Variants in HS6ST3 observed in about 807,000 individuals in gnomAD.
HS6ST3 encodes the protein heparan sulfate 6-O-sulfotransferase 3, also known as heparan-sulfate 6-O-sulfotransferase 3.
Under a neutral mutation model 36.7 loss-of-function variants are expected in HS6ST3, and 12 were observed. The observed-to-expected ratio is 0.33, with a 90% CI of 0.21 to 0.53. The LOEUF (loss-of-function observed/expected upper bound fraction) is 0.53. HS6ST3 is among the 20% of genes least tolerant of loss of function. The pLI is 0.95. For synonymous variants in HS6ST3, 240 were observed against 257.5 expected (o/e 0.93, Z 0.65); for missense variants, 584 against 640.9 (o/e 0.91, Z 0.96).
At chr13:96,726,975 T>C (rs1876021912) in intron 1 of HS6ST3, among the ~76,000 whole-genome samples, 2 of 152,200 alleles carry the variant, frequency 1.3e-5, no homozygotes, top group African/African-American at 4.8e-5. Flanking sequence ...TGCTACTCTG[T>C]GTGATATTAG....
At chr13:96,653,936 A>T (rs1381134866) in intron 1 of HS6ST3, among the ~76,000 whole-genome samples, 1 of 152,154 alleles carries the variant, frequency 6.6e-6, no homozygotes, top group Non-Finnish European at 1.5e-5. Context: ...TGTGGTTTTG[A>T]TTTGCATTTC....
rs922827721 is a variant in HS6ST3, at chr13:96,363,872, G to T, written c.707+272303G>T. Among the ~76,000 whole-genome samples the T allele has an allele frequency of 3.3e-5, 5 of 151,532 alleles. 1 individual carries two copies. The highest frequency in any genetic ancestry group is 2.1e-4 in the South Asian group (1 of 4,814). ...AAATATTATGTAATGAATTTTTTTT[G>T]AAATGAAAAAAGAGAACACTCGCTA... On this transcript the variant is annotated intron_variant, in intron 1 of 1. Transcript: ENST00000376705.
intron 1 of HS6ST3, among the ~76,000 whole-genome samples, chr13:96,375,768 A>T (rs2055311704): frequency 6.6e-6 from 1 of 152,236 alleles, no homozygotes; most frequent in Admixed American, 6.5e-5. Context: ...TGATGTGGAA[A>T]ATATATCCAT....
In HS6ST3 at chr13:96,748,354, G is replaced by C. The variant is rs372758642; in HGVS notation, c.708-84136G>C. Among the ~76,000 whole-genome samples the C allele has an allele frequency of 2.2e-4, 33 of 152,152 alleles. 2 individuals are homozygous for C. Among genetic ancestry groups the C allele is most frequent in the African/African-American group, 7.5e-4 (31 of 41,510 alleles). The stretch of plus-strand genomic sequence containing the variant: ...TGTCTACCCCTGTAATCCAGGATGT[G>C]GAGTGTTATGAAAAGGGTAGGAATC... On this transcript the variant is annotated intron_variant, in intron 1 of 1. Coordinates refer to ENST00000376705, the MANE Select transcript of HS6ST3 (RefSeq NM_153456.4).
chr13:96,572,327 T>A (rs1367363669), intron 1 of HS6ST3, among the ~76,000 whole-genome samples: 1 of 152,208 alleles, frequency 6.6e-6, no homozygotes, highest in Non-Finnish European at 1.5e-5. Context: ...TAAGTAGAAC[T>A]AGACTATATT....
At chr13:96,586,248 T>C (rs1480150493) in intron 1 of HS6ST3, among the ~76,000 whole-genome samples, 1 of 152,170 alleles carries the variant, frequency 6.6e-6, no homozygotes, top group African/African-American at 2.4e-5. Flanking sequence ...GATTTAAATT[T>C]CCCTGATTAG....
At chr13:96,440,912 T>G (rs2055667839) in intron 1 of HS6ST3, among the ~76,000 whole-genome samples, 1 of 152,234 alleles carries the variant, frequency 6.6e-6, no homozygotes, top group South Asian at 2.1e-4. Context: ...AGGACTGCAA[T>G]GGACTGAATG....
chr13:96,563,917 T>C (rs545725898), intron 1 of HS6ST3, among the ~76,000 whole-genome samples: 6 of 152,174 alleles, frequency 3.9e-5, no homozygotes, highest in Non-Finnish European at 8.8e-5. Context: ...TGTGTGCAGA[T>C]ACCTTCTAGA....
chr13:96,516,380 G>A (rs945091278), intron 1 of HS6ST3, among the ~76,000 whole-genome samples: 2 of 151,964 alleles, frequency 1.3e-5, no homozygotes, highest in African/African-American at 4.8e-5. Context: ...CTTACTTTGT[G>A]GCTGACAAAT....
intron 1 of HS6ST3, among the ~76,000 whole-genome samples, chr13:96,344,842 G>A (rs536496984): frequency 2.6e-4 from 40 of 152,314 alleles, no homozygotes; most frequent in Middle Eastern, 3.4e-3. Context: ...ACGAATGCCT[G>A]TTTTGCTCAT....
chr13:96,590,817 G>A (rs763649098), intron 1 of HS6ST3, among the ~76,000 whole-genome samples: 1 of 152,048 alleles, frequency 6.6e-6, no homozygotes, highest in Non-Finnish European at 1.5e-5. Flanking sequence ...CAGTTTCATA[G>A]TTTGAAGTCT....
intron 1 of HS6ST3, among the ~76,000 whole-genome samples, chr13:96,516,499 C>A (rs1344283965): frequency 6.6e-6 from 1 of 152,100 alleles, no homozygotes; most frequent in Non-Finnish European, 1.5e-5. Context: ...GAGTAGTATT[C>A]TTCTGGATTG....
chr13:96,379,803 G>C (rs1275526266), intron 1 of HS6ST3, among the ~76,000 whole-genome samples: 1 of 152,030 alleles, frequency 6.6e-6, no homozygotes, highest in Non-Finnish European at 1.5e-5. Flanking sequence ...TTTGAGAACT[G>C]GGTTAAAAAT....
At chr13:96,505,940 A>G (rs1363991864) in intron 1 of HS6ST3, among the ~76,000 whole-genome samples, 2 of 152,124 alleles carry the variant, frequency 1.3e-5, no homozygotes, top group Non-Finnish European at 2.9e-5. Flanking sequence ...TGTTTCTGAT[A>G]TTAATGGTTC....
chr13:96,747,855 A>G (rs1876600399), intron 1 of HS6ST3, among the ~76,000 whole-genome samples: 1 of 152,034 alleles, frequency 6.6e-6, no homozygotes, highest in South Asian at 2.1e-4. Flanking sequence ...GGTGTTCCAT[A>G]TGGGAATGCA....
chr13:96,363,499 A>G (rs1250958231), intron 1 of HS6ST3, among the ~76,000 whole-genome samples: 1 of 152,156 alleles, frequency 6.6e-6, no homozygotes, highest in African/African-American at 2.4e-5. Context: ...CTCTACCATA[A>G]CAAAAAACAC....
chr13:96,284,840 C>G (rs2054792860), intron 1 of HS6ST3, among the ~76,000 whole-genome samples: 1 of 151,874 alleles, frequency 6.6e-6, no homozygotes. Context: ...AACAGATTTT[C>G]AGGAAATGAG....
intron 1 of HS6ST3, among the ~76,000 whole-genome samples, chr13:96,486,787 T>G (rs1029313184): frequency 6.6e-5 from 10 of 152,242 alleles, no homozygotes; most frequent in African/African-American, 2.4e-4. Flanking sequence ...TTAATATCAG[T>G]TACAGGGGAG....
chr13:96,165,060 C>G (rs1213563913), intron 1 of HS6ST3, among the ~76,000 whole-genome samples: 1 of 152,106 alleles, frequency 6.6e-6, no homozygotes, highest in Non-Finnish European at 1.5e-5. Flanking sequence ...TTATATTTTA[C>G]TATTTCATAC....
Sources: allele counts gnomAD v4.1 joint callset (sites outside exome capture counted in the v4.1 genomes callset), GRCh38; gene constraint gnomAD v4.1.1; transcripts MANE v1.5; gene names NCBI Gene and HGNC (gene_info 2026-07-23, HGNC 2026-07-21).